The following NPHS1 variants were observed in gnomAD, a reference collection of about 807,000 sequenced individuals.
The protein encoded by NPHS1 is nephrin.
Under a neutral mutation model 139.7 loss-of-function variants are expected in NPHS1, and 107 were observed. The ratio of observed to expected loss-of-function variants is 0.77; its 90% CI spans 0.66 to 0.90. NPHS1 has a LOEUF of 0.90. NPHS1 is among the 40% of genes least tolerant of loss of function. The pLI is 0.00. For synonymous variants in NPHS1, 707 were observed against 706.6 expected (o/e 1.00, Z -0.01); for missense variants, 1,580 against 1,654.2 (o/e 0.96, Z 0.78).
intron 23 of NPHS1, among the ~76,000 whole-genome samples, chr19:35,833,185 T>C (rs1462484440): frequency 6.6e-6 from 1 of 151,994 alleles, no homozygotes; most frequent in African/African-American, 2.4e-5. Flanking sequence ...CGAGCCACCG[T>C]GCCCAGCCTC....
rs750295313 is a variant in NPHS1 at position 35,842,453 on chromosome 19, G to C, written c.2432C>G (p.Ala811Gly). Residue 811 changes from alanine (A) to glycine (G), a missense_variant, in exon 18 of 29, where the codon GCT becomes GGT. By Grantham distance (60) the Ala-to-Gly change is moderately conservative. Coordinates refer to ENST00000378910, the MANE Select transcript of NPHS1 (RefSeq NM_004646.4). Reference protein sequence around the residue: ...LRIHHAKLAQAGAYQCIVDNG... With the variant: ...LRIHHAKLAQGGAYQCIVDNG... The stretch of plus-strand genomic sequence containing the variant: ...GTCCACAATGCACTGGTAAGCGCCA[G>C]CCTGGGCCAGTTTGGCATGGTGAAT... 29 of 1,614,166 alleles carry C rather than the reference G, an allele frequency of 1.8e-5. No homozygotes were observed. Among genetic ancestry groups the C allele is most frequent in the Non-Finnish European group, 2.2e-5 (26 of 1,180,014 alleles).
intron 23 of NPHS1, among the ~76,000 whole-genome samples, chr19:35,834,229 C>G (rs529060322): frequency 2.0e-5 from 3 of 152,178 alleles, no homozygotes; most frequent in Admixed American, 6.6e-5. Flanking sequence ...TGCTTTTGAC[C>G]CCCGTGACCA....
At position 35,849,595 on chromosome 19, in the gene NPHS1, C is replaced by T. The variant is rs765620152; in HGVS notation, c.667G>A (p.Ala223Thr). The change falls in exon 6 of 29, where the codon GCA becomes ACA. Residue 223 changes from alanine to threonine, a missense_variant. Physicochemically the swap from Ala to Thr is moderately conservative, Grantham distance 58. Coordinates refer to ENST00000378910, the MANE Select transcript of NPHS1 (RefSeq NM_004646.4). ...GAGGCCTTGATGGGGGCCTCCAGTG[C>T]TGGGCTAGACGCCTCACAGACCAGC... ...QLLVCEASSP[A>T]LEAPIKASFT... 1.9e-6 allele frequency: 3 copies of T among 1,614,140 alleles called. No homozygotes were observed. The highest frequency in any genetic ancestry group is 2.5e-6 in the Non-Finnish European group (3 of 1,180,010).
chr19:35,831,883 G>C lies in NPHS1; in HGVS notation c.3167-121C>G, dbSNP rs181221023. The C allele has an allele frequency of 3.7e-5, 40 of 1,075,762 alleles. No homozygotes were observed. The East Asian group carries it at 1.0e-3, about 27-fold the overall frequency. The allele number at this position is 1,075,762 out of a possible 1,614,324, so 66.6% of individuals were successfully genotyped here. A position where few individuals can be genotyped will look rare whatever the true frequency, so the allele number is the denominator to read the frequency against. On this transcript the variant is annotated intron_variant, in intron 23 of 28. Coordinates refer to ENST00000378910, the MANE Select transcript of NPHS1 (RefSeq NM_004646.4). ...CCCCCAGGGTCAGAGAAACAGATGG[G>C]CAGAGGTCTCTGTGCCCACCCTTTC...
At chr19:35,833,854 G>A (rs1893024375) in intron 23 of NPHS1, among the ~76,000 whole-genome samples, 2 of 152,060 alleles carry the variant, frequency 1.3e-5, no homozygotes, top group Admixed American at 1.3e-4. Flanking sequence ...GCACTGCCAT[G>A]CCTGGCTAAT....
chr19:35,833,148 C>T lies in NPHS1; in HGVS notation c.3167-1386G>A, dbSNP rs866150472. On this transcript the variant is annotated intron_variant, in intron 23 of 28. Coordinates refer to ENST00000378910, the MANE Select transcript of NPHS1 (RefSeq NM_004646.4). Reference sequence around the variant, plus strand: ...GCTTCAAGTGGTCTGCCCACCTTGGCGTCCCAAAGTGCTGGCATTATAGGC... The same window carrying T: ...GCTTCAAGTGGTCTGCCCACCTTGGTGTCCCAAAGTGCTGGCATTATAGGC... Among the ~76,000 whole-genome samples, 30 of 151,700 alleles carry T rather than the reference C, an allele frequency of 2.0e-4. 1 individual carries two copies. Among genetic ancestry groups the T allele is most frequent in the East Asian group, 5.9e-4 (3 of 5,102 alleles).
At position 35,844,231 on chromosome 19, in the gene NPHS1, C is replaced by G; in HGVS notation, c.2084G>C (p.Arg695Pro). The change falls in exon 16 of 29, where the codon CGG (arginine) becomes CCG (proline). Residue 695 changes from arginine to proline, a missense_variant. Arg to Pro is a moderately radical substitution (Grantham distance 103). Transcript: ENST00000378910. The part of the protein sequence containing the change: ...GYRLSPAGGP[R>P]HRILSSGALH... ...AGCCCCGCTGGACAGGATGCGATGC[C>G]GGGGGCCGCCCGCTGGGGAAGGCCA... 1 of 1,613,204 alleles carries G rather than the reference C, an allele frequency of 6.2e-7. No individual in the cohort carries two copies. Among genetic ancestry groups the G allele is most frequent in the Non-Finnish European group, 8.5e-7 (1 of 1,179,912 alleles).
chr19:35,828,827 C>A (rs1048034732), intron 28 of NPHS1, among the ~76,000 whole-genome samples: 10 of 152,240 alleles, frequency 6.6e-5, no homozygotes, highest in South Asian at 4.1e-4. Flanking sequence ...GTGCAGCCTC[C>A]ATCTACGCTT....
intron 28 of NPHS1, among the ~76,000 whole-genome samples, chr19:35,829,641 C>A (rs1023146631): frequency 1.3e-5 from 2 of 151,716 alleles, no homozygotes; most frequent in African/African-American, 4.8e-5. Context: ...TGGGTTCAAG[C>A]GATTCTCCTG....
intron 16 of NPHS1, 117 bp downstream of exon 16, chr19:35,843,986 G>T (rs1476882631): frequency 2.1e-6 from 3 of 1,411,578 alleles, no homozygotes; most frequent in East Asian, 2.3e-5. Context: ...CTTCCAGAAC[G>T]GGAGGGTTCC....
intron 20 of NPHS1, among the ~76,000 whole-genome samples, chr19:35,840,631 G>A (rs1973041698): frequency 6.7e-6 from 1 of 150,300 alleles, no homozygotes; most frequent in Non-Finnish European, 1.5e-5. Flanking sequence ...ACTGCACCCG[G>A]CAGTTAGGTT....
Position 35,849,346 on chromosome 19 carries a change from C to A in NPHS1, c.730G>T (p.Val244Phe), listed in dbSNP as rs781010432. 1.6e-5 allele frequency: 26 copies of A among 1,612,464 alleles called. No homozygotes were observed. The highest frequency in any genetic ancestry group is 2.2e-5 in the Non-Finnish European group (26 of 1,179,856). ...TCATCCAGGCCTGGCCACTCGATGA[C>A]AGGGGGTCCTGGAGGGACTGGGGGA... is the stretch of plus-strand genomic sequence containing the variant. ...VNVLFPPGPP[V>F]IEWPGLDEGH... Residue 244 changes from valine (V) to phenylalanine (F), a missense_variant, in exon 7 of 29, where the codon GTC (valine) becomes TTC (phenylalanine). Transcript: ENST00000378910.
chr19:35,851,834 C>T lies in NPHS1; in HGVS notation c.4G>A (p.Ala2Thr), dbSNP rs780342009. The T allele has an allele frequency of 4.5e-6, 7 of 1,551,294 alleles. No homozygotes were observed. The highest frequency in any genetic ancestry group is 4.4e-6 in the Non-Finnish European group (5 of 1,147,186). Residue 2 changes from alanine to threonine, a missense_variant, in exon 1 of 29, where the codon GCC (alanine) becomes ACC (threonine). By Grantham distance (58) the Ala-to-Thr change is moderately conservative. Coordinates refer to ENST00000378910, the MANE Select transcript of NPHS1 (RefSeq NM_004646.4). ...GAAGCCCTGAGCGTCGTCCCCAGGG[C>T]CATCACAGGTCCCCCTACTGTGACC... The part of the protein sequence containing the change: M[A>T]LGTTLRASLL...
intron 28 of NPHS1, among the ~76,000 whole-genome samples, chr19:35,826,933 C>T (rs951451911): frequency 1.3e-5 from 2 of 152,036 alleles, no homozygotes; most frequent in South Asian, 2.1e-4. Flanking sequence ...ACCAGGAGTT[C>T]GAGACCAGCC....
chr19:35,843,569 T>C lies in NPHS1; in HGVS notation c.2237A>G (p.Gln746Arg), dbSNP rs1973090740. Residue 746 changes from glutamine to arginine, a missense_variant, in exon 17 of 29, where the codon CAG (glutamine) becomes CGG (arginine). By Grantham distance (43) the Gln-to-Arg change is conservative. Transcript: ENST00000378910. ...CCCGACGTTCACCTCAGTGGGGTCC[T>C]GGAGGGCACGGATGGTGGGAGCATC... Reference protein sequence around the residue: ...VHYAPTIRALQDPTEVNVGGS... With the variant: ...VHYAPTIRALRDPTEVNVGGS... The C allele has an allele frequency of 6.2e-7, 1 of 1,613,954 alleles. No homozygotes were observed. The highest frequency in any genetic ancestry group is 1.7e-5 in the Admixed American group (1 of 59,998).
Position 35,847,291 on chromosome 19 carries a change from C to T in NPHS1, c.1440+750G>A, listed in dbSNP as rs374940953. ...CGATCTCCTCACCTCGTGATCCGCC[C>T]GCCTCAGCCTCCCAAAGTGCTGGGA... On this transcript the variant is annotated intron_variant, in intron 11 of 28. Coordinates refer to ENST00000378910, the MANE Select transcript of NPHS1 (RefSeq NM_004646.4). Among the ~76,000 whole-genome samples, 27 of 150,876 alleles carry T rather than the reference C, an allele frequency of 1.8e-4. 1 individual carries two copies. The East Asian group carries it at 3.5e-3, about 20-fold the overall frequency.
At chr19:35,846,312 A>AAGG (rs1173981654) in intron 11 of NPHS1, 118 bp from the exon 12 acceptor site, 1 of 1,057,664 alleles carries the variant, frequency 9.5e-7, no homozygotes, top group Non-Finnish European at 1.4e-6. Context: ...TTTTTCTGAT[A>AAGG]AGGAGAAGCA....
Position 35,842,412 on chromosome 19 carries a change from G to T in NPHS1, c.2473C>A (p.Pro825Thr). 1 of 1,614,124 alleles carries T rather than the reference G, an allele frequency of 6.2e-7. No individual in the cohort carries two copies. Among genetic ancestry groups the T allele is most frequent in the Non-Finnish European group, 8.5e-7 (1 of 1,180,024 alleles). The change falls in exon 18 of 29, where the codon CCA (proline) becomes ACA (threonine). Residue 825 changes from proline (P) to threonine (T), a missense_variant. Coordinates refer to ENST00000378910, the MANE Select transcript of NPHS1 (RefSeq NM_004646.4). Reference protein sequence around the residue: ...QCIVDNGVAPPARRLLRLVVR... With the variant: ...QCIVDNGVAPTARRLLRLVVR... ...ACAAGACGGAGCAGCCGTCGTGCTG[G>T]AGGCGCCACCCCATTGTCCACAATG...
At chr19:35,843,804 G>A (rs942247350) in intron 16 of NPHS1, 14 of 667,194 alleles carry the variant, frequency 2.1e-5, no homozygotes, top group African/African-American at 1.8e-4. Flanking sequence ...ATTAGAGTGA[G>A]TTGAGTGGGC....
Sources: allele counts gnomAD v4.1 joint callset (sites outside exome capture counted in the v4.1 genomes callset), GRCh38; gene constraint gnomAD v4.1.1; transcripts MANE v1.5; gene names NCBI Gene and HGNC (gene_info 2026-07-23, HGNC 2026-07-21).